CPM: variants seen among roughly 807,000 people sequenced by gnomAD.
The protein encoded by CPM is renal carboxypeptidase.
Under a neutral mutation model 46.4 loss-of-function variants are expected in CPM, and 35 were observed. The observed-to-expected ratio is 0.75, with a 90% CI of 0.58 to 1.00. The LOEUF is 1.00. Among genes scored for constraint, CPM ranks in the 50% least tolerant of loss-of-function variants. The pLI is 0.00. For synonymous variants in CPM, 195 were observed against 195.3 expected, an observed-to-expected ratio of 1.00 and a Z score of 0.01; for missense variants, 422 against 530.4, an observed-to-expected ratio of 0.80 and a Z score of 2.01.
chr12:68,867,196 C>T (rs1014099245), intron 6 of CPM, 148 bp from the exon 7 acceptor site: 9 of 769,672 alleles, frequency 1.2e-5, no homozygotes, highest in Non-Finnish European at 1.5e-5. Flanking sequence ...CAGGGCTTGA[C>T]ATTCTATTAC....
At chr12:68,920,637 C>G (rs1156871581) in intron 2 of CPM, among the ~76,000 whole-genome samples, 1 of 151,360 alleles carries the variant, frequency 6.6e-6, no homozygotes, top group African/African-American at 2.4e-5. Context: ...GGAAAAGACA[C>G]TTAAAATGGA....
chr12:68,919,647 C>A (rs1887954217), intron 2 of CPM, among the ~76,000 whole-genome samples: 1 of 152,170 alleles, frequency 6.6e-6, no homozygotes, highest in African/African-American at 2.4e-5. Context: ...GAAAGATGGC[C>A]AAGTCCAACT....
At chr12:68,911,497 A>G (rs1442125121) in intron 2 of CPM, among the ~76,000 whole-genome samples, 2 of 152,122 alleles carry the variant, frequency 1.3e-5, no homozygotes, top group Non-Finnish European at 2.9e-5. Flanking sequence ...TATTTACCTC[A>G]TAGGGTGTTG....
intron 2 of CPM, among the ~76,000 whole-genome samples, chr12:68,896,331 C>G (rs1301346857): frequency 1.3e-5 from 2 of 152,234 alleles, no homozygotes; most frequent in East Asian, 3.9e-4. Flanking sequence ...TAGATAGTAC[C>G]CCTGCAACCC....
intron 2 of CPM, among the ~76,000 whole-genome samples, chr12:68,897,799 G>A (rs1886944090): frequency 6.6e-6 from 1 of 150,908 alleles, no homozygotes; most frequent in South Asian, 2.1e-4. Context: ...TTGTCCATTT[G>A]AGGTTTCTTT....
chr12:68,950,598 A>G (rs756598917), intron 1 of CPM, among the ~76,000 whole-genome samples: 2 of 152,170 alleles, frequency 1.3e-5, no homozygotes, highest in Non-Finnish European at 2.9e-5. Flanking sequence ...AGGGCATTAG[A>G]GCCACTGTAG....
rs184598708 is a variant in CPM, at chr12:68,922,687, G to C, written c.160+9991C>G. 4.5e-4 allele frequency among the ~76,000 whole-genome samples: 68 copies of C among 150,040 alleles called. 1 individual carries two copies. Among genetic ancestry groups the C allele is most frequent in the African/African-American group, 1.5e-3 (62 of 40,764 alleles). ...AGTTGAGCTTGACAAAGGTATGTAT[G>C]TGAAAGGTCACAGATAGAAAATGTG... On this transcript the variant is annotated intron_variant, in intron 2 of 8. Coordinates refer to ENST00000551568, the MANE Select transcript of CPM (RefSeq NM_198320.5).
chr12:68,920,890 C>G (rs568336378), intron 2 of CPM, among the ~76,000 whole-genome samples: 1 of 149,986 alleles, frequency 6.7e-6, no homozygotes, highest in African/African-American at 2.5e-5. Flanking sequence ...TTAGTACACA[C>G]GGGGTTTTGC....
intron 3 of CPM, among the ~76,000 whole-genome samples, chr12:68,872,682 T>C (rs1397450368): frequency 1.3e-5 from 2 of 152,050 alleles, no homozygotes; most frequent in African/African-American, 2.4e-5. Context: ...ATGGTGCATA[T>C]GAAGCTTATC....
In CPM at chr12:68,869,561, T is replaced by C. The variant is rs2136229821; in HGVS notation, c.617-66A>G. On this transcript the variant is annotated intron_variant, in intron 5 of 8. Coordinates refer to ENST00000551568, the MANE Select transcript of CPM (RefSeq NM_198320.5). ...AGAGTAAGAGGAAACACAAACACCA[T>C]ATTAGCAAAGACATAATCGCATCAC... 4 of 1,432,408 alleles carry C rather than the reference T, an allele frequency of 2.8e-6. No homozygotes were observed. In the East Asian group the frequency reaches 9.2e-5, roughly 33 times the overall value. 88.7% of individuals were successfully genotyped at this position (1,432,408 alleles called of 1,614,324 possible).
intron 3 of CPM, 62 bp from the exon 4 acceptor site, chr12:68,872,018 C>A: frequency 6.4e-7 from 1 of 1,561,938 alleles, no homozygotes; most frequent in Non-Finnish European, 8.8e-7. Context: ...AAAGCACTCC[C>A]TACGGTACAA....
intron 2 of CPM, among the ~76,000 whole-genome samples, chr12:68,910,652 T>A (rs1229785100): frequency 6.6e-6 from 1 of 152,222 alleles, no homozygotes; most frequent in Non-Finnish European, 1.5e-5. Flanking sequence ...ATTATTTTTT[T>A]AAAATATGGC....
chr12:68,943,880 TA>T lies in CPM; in HGVS notation c.-3-11041del, dbSNP rs538255725. 5.3e-5 allele frequency among the ~76,000 whole-genome samples: 8 copies of T among 151,754 alleles called. No individual in the cohort carries two copies. In the South Asian group the frequency reaches 1.7e-3, roughly 32 times the overall value. On this transcript the variant is annotated intron_variant, in intron 1 of 8. Transcript: ENST00000546373. Reference sequence around the variant, plus strand: ...AACCATTTCTGGATTTTTTTTTTTTTAAAAACTGTATATTTGAGAAAGAATC... The same window carrying T: ...AACCATTTCTGGATTTTTTTTTTTTTAAAACTGTATATTTGAGAAAGAATC...
intron 2 of CPM, among the ~76,000 whole-genome samples, chr12:68,891,082 A>C (rs1018334136): frequency 6.6e-6 from 1 of 152,222 alleles, no homozygotes; most frequent in Non-Finnish European, 1.5e-5. Flanking sequence ...AGTTTCTTCC[A>C]CGTAAGTGGG....
intron 2 of CPM, among the ~76,000 whole-genome samples, chr12:68,915,066 T>C (rs1231232877): frequency 6.6e-6 from 1 of 152,124 alleles, no homozygotes; most frequent in Non-Finnish European, 1.5e-5. Context: ...TTTTTTCTTC[T>C]TTTTTTAGAT....
At chr12:68,847,452 C>CTTTCTTT (rs1555190285), downstream of CPM, 6 of 88,694 alleles carry the variant, frequency 6.8e-5, no homozygotes, top group African/African-American at 2.3e-4. Context: ...TATCTCCTTT[C>CTTTCTTT]TTTTTTTTTT....
intron 1 of CPM, among the ~76,000 whole-genome samples, chr12:68,943,140 C>T (rs1424311257): frequency 6.6e-6 from 1 of 152,148 alleles, no homozygotes; most frequent in Non-Finnish European, 1.5e-5. Flanking sequence ...AAAGTAAGGT[C>T]TGTGGAACCA....
chr12:68,872,147 G>C (rs370468718), intron 3 of CPM, among the ~76,000 whole-genome samples, 191 bp from the exon 4 acceptor site: 2 of 152,176 alleles, frequency 1.3e-5, no homozygotes, highest in East Asian at 1.9e-4. Flanking sequence ...TCAGTCCTGA[G>C]GTATGCTGAA....
chr12:68,951,953 G>A (rs1232901450), intron 1 of CPM, among the ~76,000 whole-genome samples: 1 of 152,220 alleles, frequency 6.6e-6, no homozygotes, highest in Admixed American at 6.5e-5. Flanking sequence ...GGGAAACCAT[G>A]TGAGGGGAGG....
Sources: gnomAD v4.1 joint callset for allele counts (sites outside exome capture counted in the v4.1 genomes callset) on GRCh38, gnomAD v4.1.1 for gene constraint, MANE v1.5 for transcripts, NCBI Gene and HGNC (gene_info 2026-07-23, HGNC 2026-07-21) for gene names.